DIPK1A: variants seen among roughly 807,000 people sequenced by gnomAD.
DIPK1A encodes family with sequence similarity 69 member A.
In DIPK1A, 27 loss-of-function variants were observed where a neutral mutation model predicts 40.8. The ratio of observed to expected loss-of-function variants is 0.66; its 90% CI spans 0.49 to 0.91. The LOEUF (loss-of-function observed/expected upper bound fraction) is 0.91, where lower values mean the gene tolerates loss of function less well. Among genes scored for constraint, DIPK1A ranks in the 40% least tolerant of loss-of-function variants. The probability of loss-of-function intolerance (pLI) is 0.00; values close to 1 mark genes in which losing one functional copy is unlikely to be tolerated. For synonymous variants in DIPK1A, 166 were observed against 171.3 expected (o/e 0.97, Z 0.24); for missense variants, 412 against 505.7 (o/e 0.81, Z 1.78).
rs779348774 is a variant in DIPK1A at position 92,836,402 on chromosome 1, C to T, written c.475-3368G>A. ...TGTCTATCCCTCACAGGTAAGAATACTATTTAAGACCTTGGTGCCTGGACC... is the reference window on the plus strand; with the variant it reads ...TGTCTATCCCTCACAGGTAAGAATATTATTTAAGACCTTGGTGCCTGGACC... On this transcript the variant is annotated intron_variant, in intron 4 of 4. Transcript: ENST00000615519. The T allele has an allele frequency of 1.2e-5, 20 of 1,612,268 alleles. No homozygotes were observed. The highest frequency in any genetic ancestry group is 8.8e-5 in the South Asian group (8 of 91,052).
intron 1 of DIPK1A, among the ~76,000 whole-genome samples, chr1:92,877,651 G>T (rs1218152238): frequency 1.3e-5 from 2 of 152,160 alleles, no homozygotes; most frequent in Non-Finnish European, 2.9e-5. Flanking sequence ...TAAAATTGTA[G>T]GTCTCTGAGC....
chr1:92,873,491 T>C (rs918953044), intron 2 of DIPK1A, among the ~76,000 whole-genome samples: 10 of 151,998 alleles, frequency 6.6e-5, no homozygotes, highest in South Asian at 6.2e-4. Context: ...GGTGGGTACC[T>C]GTAGTCCCAG....
intron 2 of DIPK1A, among the ~76,000 whole-genome samples, chr1:92,857,504 T>G (rs1688024061): frequency 6.6e-6 from 1 of 151,998 alleles, no homozygotes; most frequent in Admixed American, 6.6e-5. Flanking sequence ...GTATTTTTAG[T>G]AGAGATGGGG....
Position 92,842,386 on chromosome 1 carries a change from T to C in DIPK1A, c.*997A>G, listed in dbSNP as rs2100701984. The stretch of plus-strand genomic sequence containing the variant: ...CAAAAGGTGTTTAATTTTATGGAGA[T>C]GTTGAAAGGTACATGCCAAATCTGA... On this transcript the variant is annotated 3_prime_UTR_variant, in exon 5 of 5. Transcript: ENST00000370310. 1.0e-6 allele frequency: 1 copy of C among 983,866 alleles called. No homozygotes were observed. Among genetic ancestry groups the C allele is most frequent in the Non-Finnish European group, 1.2e-6 (1 of 828,492 alleles). 60.9% of individuals were successfully genotyped at this position (983,866 alleles called of 1,614,324 possible).
Position 92,874,494 on chromosome 1 carries a change from C to T in DIPK1A, c.189+1802G>A, listed in dbSNP as rs186461723. Among the ~76,000 whole-genome samples, 71 of 152,264 alleles carry T rather than the reference C, an allele frequency of 4.7e-4. No individual in the cohort carries two copies. In the Middle Eastern group the frequency reaches 0.01, roughly 22 times the overall value. On this transcript the variant is annotated intron_variant, in intron 2 of 4. Transcript: ENST00000370310. Reference sequence around the variant, plus strand: ...AGTCAGTTGTTATCTTTATTTAACCCTCTGTTTCCAAATACATCTGACCAG... The same window carrying T: ...AGTCAGTTGTTATCTTTATTTAACCTTCTGTTTCCAAATACATCTGACCAG...
rs749631533 is a variant in DIPK1A, at chr1:92,843,690, TTAA to T, written c.977_979del (p.Ile326del). The T allele has an allele frequency of 3.0e-4, 459 of 1,551,764 alleles. 1 individual carries two copies. The highest frequency in any genetic ancestry group is 3.6e-4 in the Non-Finnish European group (411 of 1,146,998). On this transcript the variant is annotated inframe_deletion, in exon 5 of 5. Coordinates refer to ENST00000370310, the MANE Select transcript of DIPK1A (RefSeq NM_001006605.5). ...CAAATCAGACTCACAGTGACGATCC[TTAA>T]TAAGTTCTTTCAGGTTTGTCTCTGG...
chr1:92,921,990 C>G (rs1650288761), intron 1 of DIPK1A, among the ~76,000 whole-genome samples: 1 of 151,862 alleles, frequency 6.6e-6, no homozygotes, highest in Non-Finnish European at 1.5e-5. Flanking sequence ...AAGAACTTAA[C>G]GTCTGTTTTT....
intron 1 of DIPK1A, among the ~76,000 whole-genome samples, chr1:92,890,860 A>C (rs1049109272): frequency 4.6e-5 from 7 of 152,084 alleles, no homozygotes; most frequent in African/African-American, 1.7e-4. Context: ...CCTTCTTTTC[A>C]GTTTTCTGGG....
chr1:92,918,306 T>G (rs1650133652), intron 1 of DIPK1A, among the ~76,000 whole-genome samples: 1 of 152,114 alleles, frequency 6.6e-6, no homozygotes, highest in Admixed American at 6.5e-5. Flanking sequence ...CCCACCATCA[T>G]GTCTGGCTAA....
chr1:92,896,841 G>A (rs1436264717), intron 1 of DIPK1A, among the ~76,000 whole-genome samples: 1 of 151,238 alleles, frequency 6.6e-6, no homozygotes, highest in Admixed American at 6.6e-5. Context: ...AAAAGTGGGT[G>A]AAGGATATGA....
intron 1 of DIPK1A, among the ~76,000 whole-genome samples, chr1:92,920,018 AACTG>A (rs1337861929): frequency 6.6e-6 from 1 of 152,238 alleles, no homozygotes; most frequent in East Asian, 1.9e-4. Context: ...AGAACCTACT[AACTG>A]ACAAGAACTA....
At chr1:92,865,594 G>A (rs890848784) in intron 2 of DIPK1A, among the ~76,000 whole-genome samples, 1 of 152,120 alleles carries the variant, frequency 6.6e-6, no homozygotes, top group Non-Finnish European at 1.5e-5. Flanking sequence ...AGTTTTAAAA[G>A]CCTATTATCC....
intron 1 of DIPK1A, among the ~76,000 whole-genome samples, chr1:92,939,108 G>C (rs1651055808): frequency 6.6e-6 from 1 of 151,960 alleles, no homozygotes; most frequent in African/African-American, 2.4e-5. Context: ...CACCATGTTG[G>C]ACAGACTGGT....
chr1:92,918,237 C>T (rs1650131268), intron 1 of DIPK1A, among the ~76,000 whole-genome samples: 1 of 152,100 alleles, frequency 6.6e-6, no homozygotes, highest in African/African-American at 2.4e-5. Flanking sequence ...CCAATCTCCA[C>T]CTTCCAGGTT....
chr1:92,859,638 C>T (rs563931583), intron 2 of DIPK1A, among the ~76,000 whole-genome samples: 25 of 152,174 alleles, frequency 1.6e-4, no homozygotes, highest in Admixed American at 7.2e-4. Flanking sequence ...TCCTTATCTC[C>T]TTACTTTGAT....
intron 1 of DIPK1A, among the ~76,000 whole-genome samples, chr1:92,917,302 G>C (rs1220948238): frequency 6.6e-6 from 1 of 151,942 alleles, no homozygotes; most frequent in African/African-American, 2.4e-5. Context: ...GAGTTCTCAG[G>C]TCATACAGTA....
At chr1:92,888,186 T>G (rs1055780674) in intron 1 of DIPK1A, among the ~76,000 whole-genome samples, 1 of 152,060 alleles carries the variant, frequency 6.6e-6, no homozygotes, top group African/African-American at 2.4e-5. Context: ...GTTATTGCCC[T>G]CCTCCCCTTA....
At position 92,843,643 on chromosome 1, in the gene DIPK1A, A is replaced by T; in HGVS notation, c.1027T>A (p.Cys343Ser). The change falls in exon 5 of 5, where the codon TGT becomes AGT. Residue 343 changes from cysteine to serine, a missense_variant. Physicochemically the swap from Cys to Ser is moderately radical, Grantham distance 112. Coordinates refer to ENST00000370310, the MANE Select transcript of DIPK1A (RefSeq NM_001006605.5). ...GTACTCTGATCACAGCTAGTTCTAC[A>T]ATCTGTGCCATAGACACAGTCCAAA... is the stretch of plus-strand genomic sequence containing the variant. ...SDLDCVYGTD[C>S]RTSCDQSTMK... 1 of 1,551,748 alleles carries T rather than the reference A, an allele frequency of 6.4e-7. No individual in the cohort carries two copies.
chr1:92,941,699 C>A (rs1328601571), intron 1 of DIPK1A, among the ~76,000 whole-genome samples: 1 of 152,160 alleles, frequency 6.6e-6, no homozygotes, highest in Non-Finnish European at 1.5e-5. Context: ...GGTGGGAAAG[C>A]AGAGCACACA....
Sources: gnomAD v4.1 joint callset for allele counts (sites outside exome capture counted in the v4.1 genomes callset) on GRCh38, gnomAD v4.1.1 for gene constraint, MANE v1.5 for transcripts, NCBI Gene and HGNC (gene_info 2026-07-23, HGNC 2026-07-21) for gene names.